The following CHD3 variants were observed in gnomAD, a reference collection of about 807,000 sequenced individuals.
CHD3 encodes the protein ATP-dependent chromatin remodeler CHD3.
In CHD3, 52 loss-of-function variants were observed where a neutral mutation model predicts 248.9. The observed-to-expected ratio is 0.21, with a 90% CI of 0.17 to 0.26. The LOEUF (loss-of-function observed/expected upper bound fraction) is 0.26, where lower values mean the gene tolerates loss of function less well. Ranked by LOEUF, CHD3 falls within the 10% of genes least tolerant of loss-of-function variation. CHD3 has a pLI of 1.00. For synonymous variants in CHD3, 985 were observed against 985.2 expected, an observed-to-expected ratio of 1.00 and a Z score of 0.00; for missense variants, 1,482 against 2,605.8, an observed-to-expected ratio of 0.57 and a Z score of 9.39.
rs1970790086 is a variant in CHD3 at position 7,905,252 on chromosome 17, A to G, written c.4138+87A>G. Reference sequence around the variant, plus strand: ...AGCCCACTGTTTTTATACAAGTAAAAAAGTCTTCGTGTGTGTGTGGAAAAA... The same window carrying G: ...AGCCCACTGTTTTTATACAAGTAAAGAAGTCTTCGTGTGTGTGTGGAAAAA... On this transcript the variant is annotated intron_variant, in intron 26 of 39. Transcript: ENST00000330494. This position sits in a 1 kb window ranked among gnomAD's most constrained non-coding sequence, Gnocchi z 5.8. 6 of 1,279,520 alleles carry G rather than the reference A, an allele frequency of 4.7e-6. No homozygotes were observed. The highest frequency in any genetic ancestry group is 1.7e-5 in the Admixed American group (1 of 57,866). The allele number at this position is 1,279,520 out of a possible 1,614,324, so 79.3% of individuals were successfully genotyped here.
In CHD3 at chr17:7,889,207, C is replaced by T. The variant is rs1404585554; in HGVS notation, c.100+107C>T. 5 of 1,395,790 alleles carry T rather than the reference C, an allele frequency of 3.6e-6. No homozygotes were observed. The highest frequency in any genetic ancestry group is 2.2e-4 in the Middle Eastern group (1 of 4,580). 86.5% of individuals were successfully genotyped at this position (1,395,790 alleles called of 1,614,324 possible). A position where few individuals can be genotyped will look rare whatever the true frequency, so the allele number is the denominator to read the frequency against. ...CAGGTGTCCACCTTTGGCTCTCCCT[C>T]CCCAGCATCTGGCTTAGGGAGCTGC... is the stretch of plus-strand genomic sequence containing the variant. On this transcript the variant is annotated intron_variant, in intron 1 of 39. Coordinates refer to ENST00000330494, the MANE Select transcript of CHD3 (RefSeq NM_001005273.3). The surrounding 1 kb of genome is among the most constrained non-coding windows in gnomAD (Gnocchi z 4.5).
At chr17:7,898,452 G>C (rs1314593511) in intron 12 of CHD3, 44 bp from the exon 13 acceptor site, 4 of 1,396,866 alleles carry the variant, frequency 2.9e-6, no homozygotes, top group Non-Finnish European at 4.0e-6. Context: ...GAAAGCGTAG[G>C]ACTCCCAAGG....
intron 13 of CHD3, 31 bp from the exon 14 acceptor site, chr17:7,898,980 C>G: frequency 6.2e-7 from 1 of 1,602,730 alleles, no homozygotes; most frequent in Non-Finnish European, 8.5e-7. Context: ...CCGACTATTT[C>G]CTTGAGCTTT....
In CHD3 at chr17:7,893,785, C is replaced by G; in HGVS notation, c.794-20C>G. The G allele has an allele frequency of 1.2e-6, 2 of 1,610,472 alleles. No individual in the cohort carries two copies. Among genetic ancestry groups the G allele is most frequent in the Non-Finnish European group, 1.7e-6 (2 of 1,179,020 alleles). ...CATGACCTCTCCTTTTTCCTCTTCT[C>G]ACCCCGACTCCTCATTCAGGTCCAG... On this transcript the variant is annotated intron_variant, in intron 5 of 39. Transcript: ENST00000330494.
At position 7,889,324 on chromosome 17, in the gene CHD3, C is replaced by T. The variant is rs975049077; in HGVS notation, c.100+224C>T. On this transcript the variant is annotated intron_variant, in intron 1 of 39. Transcript: ENST00000330494. This position sits in a 1 kb window ranked among gnomAD's most constrained non-coding sequence, Gnocchi z 4.5. ...AGTTCCTGGGCAGGATGCCAGCTGG[C>T]GAAGTGAGGGGGAAGGCAGGAGGAG... Among the ~76,000 whole-genome samples, 3 of 152,152 alleles carry T rather than the reference C, an allele frequency of 2.0e-5. No homozygotes were observed. The highest frequency in any genetic ancestry group is 7.2e-5 in the African/African-American group (3 of 41,426).
rs1364653661 is a variant in CHD3, at chr17:7,912,079, A to AC, written c.*495dup. The AC allele has an allele frequency of 7.6e-6, 2 of 263,722 alleles. No homozygotes were observed. The highest frequency in any genetic ancestry group is 4.6e-5 in the African/African-American group (2 of 43,220). 16.3% of individuals were successfully genotyped at this position (263,722 alleles called of 1,614,324 possible). A position where few individuals can be genotyped will look rare whatever the true frequency, so the allele number is the denominator to read the frequency against. On this transcript the variant is annotated 3_prime_UTR_variant, in exon 40 of 40. Coordinates refer to ENST00000330494, the MANE Select transcript of CHD3 (RefSeq NM_001005273.3). ...AATGAGCCCTGGGAGGGAGGAAGGGACGAGGAGGGGTGGCTGCATGTTACC... is the reference window on the plus strand; with the variant it reads ...AATGAGCCCTGGGAGGGAGGAAGGGACCGAGGAGGGGTGGCTGCATGTTACC...
At position 7,895,505 on chromosome 17, in the gene CHD3, T is replaced by C; in HGVS notation, c.1670T>C (p.Leu557Pro). The C allele has an allele frequency of 6.2e-7, 1 of 1,614,132 alleles. No individual in the cohort carries two copies. The highest frequency in any genetic ancestry group is 8.5e-7 in the Non-Finnish European group (1 of 1,180,028). The change falls in exon 10 of 40, where the codon CTA becomes CCA. Residue 557 changes from leucine to proline, a missense_variant. Coordinates refer to ENST00000330494, the MANE Select transcript of CHD3 (RefSeq NM_001005273.3). The surrounding 1 kb of genome is among the most constrained non-coding windows in gnomAD (Gnocchi z 4.9). ...GAGTTCTTTGTCAAGTGGGTAGGACTATCCTACTGGCACTGCTCCTGGGCC... is the reference window on the plus strand; with the variant it reads ...GAGTTCTTTGTCAAGTGGGTAGGACCATCCTACTGGCACTGCTCCTGGGCC... Reference protein sequence around the residue: ...EREFFVKWVGLSYWHCSWAKE... With the variant: ...EREFFVKWVGPSYWHCSWAKE...
rs891834460 is a variant in CHD3 at position 7,895,844 on chromosome 17, C to T, written c.1707+302C>T. On this transcript the variant is annotated intron_variant, in intron 10 of 39. Transcript: ENST00000330494. This position sits in a 1 kb window ranked among gnomAD's most constrained non-coding sequence, Gnocchi z 4.9. ...TCCTGGCTGGGCATGGTGGCTCACACCTATAATCCTAGCACTTTGGGAGGC... is the reference window on the plus strand; with the variant it reads ...TCCTGGCTGGGCATGGTGGCTCACATCTATAATCCTAGCACTTTGGGAGGC... Among the ~76,000 whole-genome samples the T allele has an allele frequency of 6.6e-6, 1 of 152,088 alleles. No individual in the cohort carries two copies. Among genetic ancestry groups the T allele is most frequent in the Non-Finnish European group, 1.5e-5 (1 of 68,022 alleles).
chr17:7,906,116 A>G lies in CHD3; in HGVS notation c.4358+127A>G, dbSNP rs772304301. On this transcript the variant is annotated intron_variant, in intron 28 of 39. Coordinates refer to ENST00000330494, the MANE Select transcript of CHD3 (RefSeq NM_001005273.3). The surrounding 1 kb of genome is among the most constrained non-coding windows in gnomAD (Gnocchi z 5.0). ...ATTATCACCCTCCCTGTCATACAAT[A>G]CTTCCTGGCTCGATTTCCTGGGGGG... 2 of 1,399,208 alleles carry G rather than the reference A, an allele frequency of 1.4e-6. No homozygotes were observed. Among genetic ancestry groups the G allele is most frequent in the African/African-American group, 2.8e-5 (2 of 70,798 alleles). The allele number at this position is 1,399,208 out of a possible 1,614,324, so 86.7% of individuals were successfully genotyped here.
At chr17:7,902,308 G>A (rs1453175611) in intron 20 of CHD3, among the ~76,000 whole-genome samples, 1 of 152,070 alleles carries the variant, frequency 6.6e-6, no homozygotes, top group African/African-American at 2.4e-5. Flanking sequence ...TGTAGTCCCA[G>A]CTACTAGGGA....
intron 10 of CHD3, among the ~76,000 whole-genome samples, chr17:7,896,227 CAAAAAAAAAAAA>C: frequency 1.7e-5 from 1 of 57,922 alleles, no homozygotes; most frequent in South Asian, 6.1e-4. Flanking sequence ...CACTCTATCT[CAAAAAAAAAAAA>C]AAAAAAAAAA....
upstream of CHD3, among the ~76,000 whole-genome samples, chr17:7,887,409 C>A (rs1968137886): frequency 6.6e-6 from 1 of 150,754 alleles, no homozygotes; most frequent in Admixed American, 6.6e-5. Context: ...TCTCCCTCCC[C>A]CTTCTGGCAA....
rs778380973 is a variant in CHD3 at position 7,910,313 on chromosome 17, T to C, written c.5591-115T>C. 4 of 1,284,488 alleles carry C rather than the reference T, an allele frequency of 3.1e-6. No homozygotes were observed. Among genetic ancestry groups the C allele is most frequent in the Non-Finnish European group, 1.1e-6 (1 of 884,440 alleles). The allele number at this position is 1,284,488 out of a possible 1,614,324, so 79.6% of individuals were successfully genotyped here. A position where few individuals can be genotyped will look rare whatever the true frequency, so the allele number is the denominator to read the frequency against. ...TGGTTCTTTGACATCTGTGTTCTCC[T>C]CTCTCGCTCTTTTTCTGCCTGTATC... On this transcript the variant is annotated intron_variant, in intron 37 of 39. Transcript: ENST00000330494. The surrounding 1 kb of genome is among the most constrained non-coding windows in gnomAD (Gnocchi z 4.7).
rs945662265 is a variant in CHD3 at position 7,893,848 on chromosome 17, T to C, written c.837T>C (p.Asp279=). The C allele has an allele frequency of 1.2e-6, 2 of 1,614,074 alleles. No homozygotes were observed. Among genetic ancestry groups the C allele is most frequent in the Admixed American group, 3.3e-5 (2 of 60,016 alleles). The change falls in exon 6 of 40, where the codon GAT becomes GAC. Residue 279 remains aspartate (D), a synonymous_variant. Transcript: ENST00000330494. ...GGAGTAAGAGCCCCCGAGTGCCTGA[T>C]GGACGCAAGAAGCTTCGGGGAAAGA... ...KRRSKSPRVP[D]GRKKLRGKKM... is the part of the protein sequence containing the mutation.
chr17:7,890,759 A>G lies in CHD3; in HGVS notation c.384+18A>G, dbSNP rs1403105949. 1 of 1,589,828 alleles carries G rather than the reference A, an allele frequency of 6.3e-7. No individual in the cohort carries two copies. Among genetic ancestry groups the G allele is most frequent in the Non-Finnish European group, 8.5e-7 (1 of 1,169,710 alleles). On this transcript the variant is annotated intron_variant, in intron 3 of 39. Transcript: ENST00000330494. ...GGCAAAAGGTGAGTAGAATTAGGGA[A>G]TGAGAGTGAGAAATCTGCATTAAAG...
intron 12 of CHD3, among the ~76,000 whole-genome samples, 194 bp downstream of exon 12, chr17:7,898,296 A>T (rs543176013): frequency 3.9e-5 from 6 of 152,206 alleles, no homozygotes; most frequent in African/African-American, 1.2e-4. Flanking sequence ...CTGGCTGAGT[A>T]GTGGAGAAGA....
Position 7,904,086 on chromosome 17 carries a change from C to T in CHD3, c.3894+95C>T. On this transcript the variant is annotated intron_variant, in intron 24 of 39. Transcript: ENST00000330494. This position sits in a 1 kb window ranked among gnomAD's most constrained non-coding sequence, Gnocchi z 4.4. ...CCTTGAAGTAGGAGGGTCTGTCCCCCTTAAAACAGTAGTGGACCTCAAACA... is the reference window on the plus strand; with the variant it reads ...CCTTGAAGTAGGAGGGTCTGTCCCCTTTAAAACAGTAGTGGACCTCAAACA... The T allele has an allele frequency of 7.4e-7, 1 of 1,351,376 alleles. No individual in the cohort carries two copies. Among genetic ancestry groups the T allele is most frequent in the Non-Finnish European group, 1.0e-6 (1 of 977,038 alleles). 83.7% of individuals were successfully genotyped at this position (1,351,376 alleles called of 1,614,324 possible). A position where few individuals can be genotyped will look rare whatever the true frequency, so the allele number is the denominator to read the frequency against.
Position 7,906,493 on chromosome 17 carries a change from C to G in CHD3, c.4359-60C>G. ...TCCTCAGTCATCCTCGCGCCTCCCT[C>G]ACTGCCCTATACCCCTTCTGTGGCT... On this transcript the variant is annotated intron_variant, in intron 28 of 39. Coordinates refer to ENST00000330494, the MANE Select transcript of CHD3 (RefSeq NM_001005273.3). The surrounding 1 kb of genome is among the most constrained non-coding windows in gnomAD (Gnocchi z 5.0). 6.3e-7 allele frequency: 1 copy of G among 1,585,762 alleles called. No individual in the cohort carries two copies.
rs191852106 is a variant in CHD3, at chr17:7,894,400, C to T, written c.1076-15C>T. On this transcript the variant is annotated splice_polypyrimidine_tract_variant and intron_variant, in intron 7 of 39. Transcript: ENST00000330494. ...CTGCCCTGCTTCCTTATCCCTCCAC[C>T]GGGGTATATGACAGTCCTGGGCTGT... 1.9e-5 allele frequency: 30 copies of T among 1,602,056 alleles called. No homozygotes were observed. The highest frequency in any genetic ancestry group is 2.3e-5 in the Non-Finnish European group (27 of 1,171,112).
Sources: allele counts gnomAD v4.1 joint callset (sites outside exome capture counted in the v4.1 genomes callset), GRCh38; gene constraint gnomAD v4.1.1; non-coding constraint Gnocchi (gnomAD v3.1); transcripts MANE v1.5; gene names NCBI Gene and HGNC (gene_info 2026-07-23, HGNC 2026-07-21).